The following EXD3 variants were observed in gnomAD, a reference collection of about 807,000 sequenced individuals.
The protein encoded by EXD3 is exonuclease 3'-5' domain containing 3, also known as exonuclease mut-7 homolog.
In EXD3, 92 loss-of-function variants were observed where a neutral mutation model predicts 98.0. That is an observed-to-expected ratio of 0.94 (90% CI 0.79 to 1.12). The LOEUF is 1.12. Ranked by LOEUF, EXD3 falls within the 50% of genes most tolerant of loss-of-function variation. The probability of loss-of-function intolerance (pLI) is 0.00; values close to 1 mark genes in which losing one functional copy is unlikely to be tolerated. For missense variants in EXD3, 1,222 were observed against 1,191.6 expected (o/e 1.03, Z -0.38); for synonymous variants, 569 against 526.0 (o/e 1.08, Z -1.12).
chr9:137,349,486 C>A lies in EXD3; in HGVS notation c.1540G>T (p.Glu514Ter). Residue 514 changes from glutamate to a stop codon, truncating the protein, a stop_gained, in exon 15 of 22, where the codon GAG becomes TAG. Coordinates refer to ENST00000340951, the MANE Select transcript of EXD3 (RefSeq NM_017820.5). LOFTEE classifies it high-confidence loss of function. This position sits in a 1 kb window ranked among gnomAD's most constrained non-coding sequence, Gnocchi z 7.4. ...ACCAGGAGGCTCAGGCCCCTCAGCTCCCTGGCCCTGTCCACGGCTGGGGCT... is the reference window on the plus strand; with the variant it reads ...ACCAGGAGGCTCAGGCCCCTCAGCTACCTGGCCCTGTCCACGGCTGGGGCT... ...VPAPAVDRAR[E>*]LRGLSLLVQQ... 2 of 1,603,570 alleles carry A rather than the reference C, an allele frequency of 1.2e-6. No individual in the cohort carries two copies. The highest frequency in any genetic ancestry group is 1.7e-6 in the Non-Finnish European group (2 of 1,177,656).
intron 7 of EXD3, among the ~76,000 whole-genome samples, chr9:137,361,677 C>A (rs1267641837): frequency 6.8e-6 from 1 of 146,958 alleles, no homozygotes; most frequent in African/African-American, 2.5e-5. Flanking sequence ...ACCCGGGAGG[C>A]GGAGGTTGCA....
At chr9:137,321,806 C>G (rs567649859) in intron 19 of EXD3, among the ~76,000 whole-genome samples, 1 of 152,208 alleles carries the variant, frequency 6.6e-6, no homozygotes, top group South Asian at 2.1e-4. Context: ...TACCCTCCAC[C>G]GGGAACTGCC....
intron 3 of EXD3, among the ~76,000 whole-genome samples, chr9:137,382,766 G>T (rs1037145513): frequency 2.0e-5 from 3 of 152,134 alleles, no homozygotes; most frequent in Admixed American, 1.3e-4. Flanking sequence ...CGGGCCAGAG[G>T]ACGCGGCACT....
In EXD3 at chr9:137,347,056, C is replaced by T. The variant is rs570189111; in HGVS notation, c.1998+1015G>A. Reference sequence around the variant, plus strand: ...GTCTTGAACCCCTGACCTTGTGATCCACCCGCCTCGGCCTCCCAGAGTGCA... The same window carrying T: ...GTCTTGAACCCCTGACCTTGTGATCTACCCGCCTCGGCCTCCCAGAGTGCA... On this transcript the variant is annotated intron_variant, in intron 17 of 21. Transcript: ENST00000340951. The surrounding 1 kb of genome is among the most constrained non-coding windows in gnomAD (Gnocchi z 4.2). Among the ~76,000 whole-genome samples the T allele has an allele frequency of 2.3e-3, 345 of 152,254 alleles. 1 individual carries two copies. Among genetic ancestry groups the T allele is most frequent in the African/African-American group, 6.7e-3 (280 of 41,564 alleles).
chr9:137,307,299 C>T, intron 21 of EXD3, 36 bp from the exon 22 acceptor site: 1 of 1,452,338 alleles, frequency 6.9e-7, no homozygotes, highest in Non-Finnish European at 9.0e-7. Context: ...GAGCCCTCAG[C>T]CTTCGGGCAC....
At chr9:137,386,443 G>T (rs1262783744) in intron 2 of EXD3, among the ~76,000 whole-genome samples, 2 of 152,064 alleles carry the variant, frequency 1.3e-5, no homozygotes, top group Non-Finnish European at 2.9e-5. Flanking sequence ...AGGTCCTGCT[G>T]GTTCTGCCCT....
In EXD3 at chr9:137,307,055, G is replaced by C; in HGVS notation, c.2526C>G (p.Gly842=). The C allele has an allele frequency of 6.2e-7, 1 of 1,612,206 alleles. No individual in the cohort carries two copies. Among genetic ancestry groups the C allele is most frequent in the South Asian group, 1.1e-5 (1 of 91,052 alleles). The change falls in exon 22 of 22, where the codon GGC becomes GGG. Residue 842 remains glycine, a synonymous_variant. Transcript: ENST00000340951. ...GGGTGGCAACACGACCCAGGTGGGA[G>C]CCGTCCCAGAAGACCTTTCCACAGC... The part of the protein sequence containing the change: ...CTGCGKVFWD[G]SHLGRVATHF...
At chr9:137,414,830 C>G (rs911981176) in intron 1 of EXD3, among the ~76,000 whole-genome samples, 3 of 152,170 alleles carry the variant, frequency 2.0e-5, no homozygotes, top group African/African-American at 7.2e-5. Flanking sequence ...CCCGTGGGCT[C>G]CACGTAGGTC....
At chr9:137,361,919 G>C (rs1416493554) in intron 7 of EXD3, among the ~76,000 whole-genome samples, 1 of 152,034 alleles carries the variant, frequency 6.6e-6, no homozygotes, top group African/African-American at 2.4e-5. Flanking sequence ...AGACTCTACA[G>C]ATAATAAACA....
intron 1 of EXD3, among the ~76,000 whole-genome samples, chr9:137,413,753 T>C (rs1441571630): frequency 1.3e-5 from 2 of 152,008 alleles, no homozygotes; most frequent in Admixed American, 6.6e-5. Context: ...TCCACTTGCC[T>C]CAGCCCAGAA....
intron 17 of EXD3, among the ~76,000 whole-genome samples, chr9:137,344,041 G>A (rs574029089): frequency 3.1e-4 from 47 of 150,842 alleles, no homozygotes; most frequent in African/African-American, 1.0e-3. Context: ...ACAGGTGCCC[G>A]CCACCACACC....
intron 1 of EXD3, among the ~76,000 whole-genome samples, chr9:137,421,424 A>C (rs1838505880): frequency 6.6e-6 from 1 of 152,218 alleles, no homozygotes; most frequent in South Asian, 2.1e-4. Flanking sequence ...AAGTAGAGAA[A>C]AATTATGTTT....
intron 1 of EXD3, among the ~76,000 whole-genome samples, chr9:137,415,961 G>A (rs945222358): frequency 3.3e-5 from 5 of 152,124 alleles, no homozygotes; most frequent in African/African-American, 9.7e-5. Context: ...CTCTGCCGAC[G>A]GTGCCTCTGT....
intron 1 of EXD3, 120 bp downstream of exon 1, chr9:137,422,971 TCCCCACCCCGGGAGAGCCGGCGG>T (rs1368632349): frequency 6.6e-6 from 1 of 151,700 alleles, no homozygotes; most frequent in East Asian, 1.9e-4. Context: ...GGCCTCAGTT[TCCCCACCCCGGGAGAGCCGGCGG>T]CCCGCCCCCG....
chr9:137,391,473 A>C (rs1396678056), intron 2 of EXD3, among the ~76,000 whole-genome samples: 1 of 152,182 alleles, frequency 6.6e-6, no homozygotes, highest in African/African-American at 2.4e-5. Context: ...GGAGCCCAGC[A>C]AGATGGGGAG....
At position 137,385,685 on chromosome 9, in the gene EXD3, C is replaced by T. The variant is rs968334680; in HGVS notation, c.56-2308G>A. On this transcript the variant is annotated intron_variant, in intron 2 of 21. Coordinates refer to ENST00000340951, the MANE Select transcript of EXD3 (RefSeq NM_017820.5). The surrounding 1 kb of genome is among the most constrained non-coding windows in gnomAD (Gnocchi z 4.4). Reference sequence around the variant, plus strand: ...AGTAGCTGGGAGTACAGGCGCTCACCGCTACGCCTGGCTAATTTTTGTATT... The same window carrying T: ...AGTAGCTGGGAGTACAGGCGCTCACTGCTACGCCTGGCTAATTTTTGTATT... Among the ~76,000 whole-genome samples the T allele has an allele frequency of 1.6e-4, 24 of 152,060 alleles. No homozygotes were observed. The highest frequency in any genetic ancestry group is 5.3e-4 in the African/African-American group (22 of 41,428).
intron 17 of EXD3, among the ~76,000 whole-genome samples, chr9:137,333,744 C>G (rs1833215975): frequency 6.6e-6 from 1 of 152,186 alleles, no homozygotes; most frequent in African/African-American, 2.4e-5. Flanking sequence ...GAAGCAGATG[C>G]CAGTGATACG....
chr9:137,315,894 C>T (rs1307473484), intron 19 of EXD3, among the ~76,000 whole-genome samples: 2 of 151,828 alleles, frequency 1.3e-5, no homozygotes, highest in African/African-American at 4.8e-5. Context: ...GTGCCCTGGG[C>T]CTCGGGCTCC....
intron 1 of EXD3, among the ~76,000 whole-genome samples, chr9:137,421,145 C>T (rs370858017): frequency 2.1e-4 from 32 of 152,262 alleles, no homozygotes; most frequent in Non-Finnish European, 4.1e-4. Context: ...TCTATTCTGA[C>T]CCTCTTGTAG....
Sources: allele counts gnomAD v4.1 joint callset (sites outside exome capture counted in the v4.1 genomes callset), GRCh38; gene constraint gnomAD v4.1.1; non-coding constraint Gnocchi (gnomAD v3.1); transcripts MANE v1.5; gene names NCBI Gene and HGNC (gene_info 2026-07-23, HGNC 2026-07-21).